DTNB: variants seen among roughly 807,000 people sequenced by gnomAD.
DTNB encodes dystrobrevin beta.
Under a neutral mutation model 90.7 loss-of-function variants are expected in DTNB, and 63 were observed. The ratio of observed to expected loss-of-function variants is 0.69; its 90% CI spans 0.57 to 0.86. DTNB has a LOEUF of 0.86. Among genes scored for constraint, DTNB ranks in the 40% least tolerant of loss-of-function variants. The probability of loss-of-function intolerance (pLI) is 0.00; values close to 1 mark genes in which losing one functional copy is unlikely to be tolerated. For missense variants in DTNB, 744 were observed against 807.1 expected (o/e 0.92, Z 0.95); for synonymous variants, 277 against 286.7 (o/e 0.97, Z 0.34).
intron 10 of DTNB, among the ~76,000 whole-genome samples, chr2:25,473,461 ATG>A (rs1388778487): frequency 1.3e-5 from 2 of 152,188 alleles, no homozygotes; most frequent in Non-Finnish European, 2.9e-5. Flanking sequence ...GTGTGTAAAA[ATG>A]TGTTTTTTAA....
chr2:25,396,927 T>G (rs1459752857), intron 16 of DTNB, among the ~76,000 whole-genome samples: 1 of 152,064 alleles, frequency 6.6e-6, no homozygotes, highest in Non-Finnish European at 1.5e-5. Flanking sequence ...TAGGAAAATC[T>G]CAACAATTTC....
intron 9 of DTNB, among the ~76,000 whole-genome samples, chr2:25,517,032 C>T (rs2075264977): frequency 6.6e-6 from 1 of 152,098 alleles, no homozygotes; most frequent in South Asian, 2.1e-4. Flanking sequence ...TCATAAGAGT[C>T]AAAAACTAAA....
intron 9 of DTNB, among the ~76,000 whole-genome samples, chr2:25,524,973 T>A (rs1216094069): frequency 6.6e-6 from 1 of 152,180 alleles, no homozygotes; most frequent in South Asian, 2.1e-4. Flanking sequence ...GATTTCTCCA[T>A]ACAAGAATGC....
chr2:25,531,604 C>A lies in DTNB; in HGVS notation c.877-7G>T. ...GCTTCTTTGCAGGAGATTTCTGTGT[C>A]AAAGCAGAAAATAGTAAGGAATTAA... is the stretch of plus-strand genomic sequence containing the variant. On this transcript the variant is annotated splice_region_variant and splice_polypyrimidine_tract_variant and intron_variant, in intron 8 of 20. Coordinates refer to ENST00000406818, the MANE Select transcript of DTNB (RefSeq NM_021907.5). 2 of 1,612,542 alleles carry A rather than the reference C, an allele frequency of 1.2e-6. No homozygotes were observed. The highest frequency in any genetic ancestry group is 2.2e-5 in the South Asian group (2 of 90,762).
intron 12 of DTNB, among the ~76,000 whole-genome samples, chr2:25,449,931 T>A (rs2059023090): frequency 6.6e-6 from 1 of 151,992 alleles, no homozygotes; most frequent in African/African-American, 2.4e-5. Context: ...CCCGGCTAAT[T>A]TTTTGTATTT....
At chr2:25,648,521 A>G (rs998641477) in intron 2 of DTNB, among the ~76,000 whole-genome samples, 2 of 152,182 alleles carry the variant, frequency 1.3e-5, no homozygotes, top group African/African-American at 4.8e-5. Context: ...CCTGAATCTA[A>G]AAGTTACAAT....
chr2:25,457,984 C>T (rs568490085), intron 10 of DTNB, among the ~76,000 whole-genome samples: 6 of 152,190 alleles, frequency 3.9e-5, no homozygotes, highest in African/African-American at 1.4e-4. Flanking sequence ...CAGGTGCACG[C>T]CACCATGCTC....
intron 8 of DTNB, among the ~76,000 whole-genome samples, chr2:25,558,020 A>G (rs1256692568): frequency 2.0e-5 from 3 of 152,208 alleles, no homozygotes; most frequent in Non-Finnish European, 4.4e-5. Context: ...AGTGAGGGGC[A>G]TGTAAAAGCC....
chr2:25,663,450 C>T (rs1482791451), intron 1 of DTNB, among the ~76,000 whole-genome samples: 2 of 152,082 alleles, frequency 1.3e-5, no homozygotes, highest in Non-Finnish European at 2.9e-5. Context: ...CTGGGTCAAA[C>T]GTTATTTCTG....
chr2:25,584,848 T>C (rs941866389), intron 6 of DTNB, among the ~76,000 whole-genome samples: 1 of 152,150 alleles, frequency 6.6e-6, no homozygotes, highest in African/African-American at 2.4e-5. Flanking sequence ...TGAGCCACCA[T>C]GCCCAGCCTC....
At chr2:25,473,548 T>C (rs1005100243) in intron 10 of DTNB, among the ~76,000 whole-genome samples, 1 of 151,706 alleles carries the variant, frequency 6.6e-6, no homozygotes, top group Non-Finnish European at 1.5e-5. Flanking sequence ...AGGAAGAGAG[T>C]ATGTGTGGGG....
At chr2:25,459,830 G>C (rs962779179) in intron 10 of DTNB, among the ~76,000 whole-genome samples, 1 of 152,052 alleles carries the variant, frequency 6.6e-6, no homozygotes, top group Non-Finnish European at 1.5e-5. Flanking sequence ...TCATTAGGCC[G>C]GGTGTGGTGG....
At chr2:25,419,387 T>C (rs748754082) in intron 16 of DTNB, 128 bp downstream of exon 16, 1 of 1,416,124 alleles carries the variant, frequency 7.1e-7, no homozygotes, top group South Asian at 1.2e-5. Flanking sequence ...GGAGAACCGC[T>C]GGGGGTTTTA....
chr2:25,572,176 A>G (rs2059967590), intron 8 of DTNB, among the ~76,000 whole-genome samples: 1 of 152,110 alleles, frequency 6.6e-6, no homozygotes, highest in Non-Finnish European at 1.5e-5. Flanking sequence ...AAGGCAAACT[A>G]TCTGCACCAG....
chr2:25,451,501 A>T, intron 12 of DTNB, 47 bp downstream of exon 12: 2 of 1,548,714 alleles, frequency 1.3e-6, no homozygotes, highest in South Asian at 2.4e-5. Flanking sequence ...TGCATATTAA[A>T]GTAATGCTAA....
Position 25,411,643 on chromosome 2 carries a change from C to T in DTNB, c.1575+7872G>A, listed in dbSNP as rs762579419. ...CTCATTTACCAACAGACATCTGTAC[C>T]ATTTGCCAACTTAGGAGGGCCGCAG... On this transcript the variant is annotated intron_variant, in intron 16 of 20. Transcript: ENST00000406818. 7.2e-5 allele frequency among the ~76,000 whole-genome samples: 11 copies of T among 152,164 alleles called. No individual in the cohort carries two copies. In the South Asian group the frequency reaches 8.3e-4, roughly 11 times the overall value.
chr2:25,583,337 T>C (rs1559121447), intron 6 of DTNB, among the ~76,000 whole-genome samples: 1 of 151,346 alleles, frequency 6.6e-6, no homozygotes, highest in East Asian at 1.9e-4. Context: ...GCTAGAAAAT[T>C]TTTAGCTAGT....
chr2:25,558,744 T>C (rs968685071), intron 8 of DTNB, among the ~76,000 whole-genome samples: 2 of 152,206 alleles, frequency 1.3e-5, no homozygotes, highest in Admixed American at 6.5e-5. Context: ...CACAGTAGAA[T>C]TGGGCAACGT....
rs753115666 is a variant in DTNB, at chr2:25,482,779, G to A, written c.1079+17C>T. ...GCAGAGGCCAACACCCAAGTCGAAG[G>A]CACAAGACATACGTACCTCTTGGTG... On this transcript the variant is annotated intron_variant, in intron 10 of 20. Transcript: ENST00000406818. 1 of 1,613,250 alleles carries A rather than the reference G, an allele frequency of 6.2e-7. No homozygotes were observed. The highest frequency in any genetic ancestry group is 1.7e-5 in the Admixed American group (1 of 60,008).
Sources: allele counts gnomAD v4.1 joint callset (sites outside exome capture counted in the v4.1 genomes callset), GRCh38; gene constraint gnomAD v4.1.1; transcripts MANE v1.5; gene names NCBI Gene and HGNC (gene_info 2026-07-23, HGNC 2026-07-21).